GADL1: variants seen among roughly 807,000 people sequenced by gnomAD.
GADL1 encodes the protein GAD like acidic amino acid decarboxylase 1, also known as acidic amino acid decarboxylase GADL1.
Under a neutral mutation model 69.5 loss-of-function variants are expected in GADL1, and 71 were observed. The observed-to-expected ratio is 1.02, with a 90% CI of 0.84 to 1.25. The LOEUF is 1.25. Among genes scored for constraint, GADL1 ranks in the 50% most tolerant of loss-of-function variants. The pLI, the probability that GADL1 is intolerant of heterozygous loss-of-function variation, is 0.00. For synonymous variants in GADL1, 254 were observed against 214.4 expected, an observed-to-expected ratio of 1.18 and a Z score of -1.62; for missense variants, 737 against 631.8, an observed-to-expected ratio of 1.17 and a Z score of -1.79.
intron 13 of GADL1, among the ~76,000 whole-genome samples, chr3:30,780,331 A>C (rs1333820760): frequency 6.6e-6 from 1 of 152,110 alleles, no homozygotes; most frequent in African/African-American, 2.4e-5. Flanking sequence ...CCCATGAGCC[A>C]AGGTCATACT....
chr3:30,893,340 T>A (rs1341360555), intron 1 of GADL1, among the ~76,000 whole-genome samples: 1 of 152,204 alleles, frequency 6.6e-6, no homozygotes, highest in African/African-American at 2.4e-5. Context: ...ATACATTGTT[T>A]AATGACCAAA....
At chr3:30,746,770 T>C (rs899962982) in intron 14 of GADL1, among the ~76,000 whole-genome samples, 1 of 152,178 alleles carries the variant, frequency 6.6e-6, no homozygotes, top group Non-Finnish European at 1.5e-5. Context: ...ATTAAGATAA[T>C]TGACAATAAA....
At chr3:30,749,656 G>A (rs542811268) in intron 14 of GADL1, among the ~76,000 whole-genome samples, 1 of 152,252 alleles carries the variant, frequency 6.6e-6, no homozygotes, top group South Asian at 2.1e-4. Flanking sequence ...TGAAATAATA[G>A]AGAAGGAAGG....
chr3:30,893,791 G>C (rs1431041208), intron 1 of GADL1, among the ~76,000 whole-genome samples: 1 of 152,144 alleles, frequency 6.6e-6, no homozygotes, highest in Non-Finnish European at 1.5e-5. Flanking sequence ...GACCCCAGCT[G>C]AGTTACCTGA....
intron 14 of GADL1, among the ~76,000 whole-genome samples, chr3:30,759,203 A>AG (rs1420498619): frequency 6.6e-6 from 1 of 152,188 alleles, no homozygotes; most frequent in Non-Finnish European, 1.5e-5. Context: ...GCCCAGTTCT[A>AG]GGGTAGGACT....
chr3:30,777,058 T>C (rs549906088), intron 14 of GADL1, among the ~76,000 whole-genome samples: 1 of 152,314 alleles, frequency 6.6e-6, no homozygotes, highest in African/African-American at 2.4e-5. Flanking sequence ...GGTTACCTTG[T>C]GATTGTCTCT....
At chr3:30,830,254 C>T (rs79804663) in intron 11 of GADL1, among the ~76,000 whole-genome samples, 10 of 151,746 alleles carry the variant, frequency 6.6e-5, no homozygotes, top group Admixed American at 5.3e-4. Context: ...CCTGCAAAGT[C>T]CCCCCCTGCC....
chr3:30,764,573 A>C (rs1279504512), intron 14 of GADL1, among the ~76,000 whole-genome samples: 1 of 152,180 alleles, frequency 6.6e-6, no homozygotes, highest in Non-Finnish European at 1.5e-5. Flanking sequence ...TATTAGAGGA[A>C]ATCACTCGAG....
At chr3:30,780,735 T>C (rs1211709395) in intron 13 of GADL1, among the ~76,000 whole-genome samples, 1 of 152,220 alleles carries the variant, frequency 6.6e-6, no homozygotes, top group East Asian at 1.9e-4. Context: ...GGTCTATCAC[T>C]AAGCACTTTT....
Position 30,742,454 on chromosome 3 carries a change from T to G in GADL1, c.1393-14039A>C, listed in dbSNP as rs370854678. Among the ~76,000 whole-genome samples, 68 of 152,258 alleles carry G rather than the reference T, an allele frequency of 4.5e-4. 2 individuals are homozygous for G. The East Asian group carries it at 7.3e-3, about 16-fold the overall frequency. On this transcript the variant is annotated intron_variant, in intron 14 of 14. Coordinates refer to ENST00000282538, the MANE Select transcript of GADL1 (RefSeq NM_207359.3). ...ATTTTCTAGCTCCCAGTTTCTTACCTTTTGTGTAGTTATTCAACTTTGTAC... is the reference window on the plus strand; with the variant it reads ...ATTTTCTAGCTCCCAGTTTCTTACCGTTTGTGTAGTTATTCAACTTTGTAC...
At chr3:30,785,763 C>G (rs9310946) in intron 13 of GADL1, among the ~76,000 whole-genome samples, 1 of 152,124 alleles carries the variant, frequency 6.6e-6, no homozygotes, top group African/African-American at 2.4e-5. Flanking sequence ...AATACATATA[C>G]TATAACAAAA....
At chr3:30,782,044 A>T (rs1018109354) in intron 13 of GADL1, among the ~76,000 whole-genome samples, 2 of 152,246 alleles carry the variant, frequency 1.3e-5, no homozygotes, top group Admixed American at 6.5e-5. Flanking sequence ...CATCAGGACA[A>T]GAAAATGACA....
At chr3:30,844,175 A>G (rs755340921) in intron 8 of GADL1, 35 bp downstream of exon 8, 3 of 1,572,690 alleles carry the variant, frequency 1.9e-6, no homozygotes, top group East Asian at 2.2e-5. Context: ...GCACACACAC[A>G]CGTTCTCTCT....
At chr3:30,850,729 A>G in intron 5 of GADL1, 106 bp downstream of exon 5, 1 of 655,718 alleles carries the variant, frequency 1.5e-6, no homozygotes, top group Non-Finnish European at 2.7e-6. Flanking sequence ...AGAATTATTA[A>G]TATCCAACTT....
At chr3:30,808,762 C>T (rs1324584475) in intron 11 of GADL1, among the ~76,000 whole-genome samples, 1 of 152,200 alleles carries the variant, frequency 6.6e-6, no homozygotes, top group Non-Finnish European at 1.5e-5. Flanking sequence ...AGTCCACCCA[C>T]TACTTTTATC....
intron 13 of GADL1, among the ~76,000 whole-genome samples, chr3:30,782,209 A>T (rs1293215332): frequency 3.3e-5 from 5 of 152,142 alleles, no homozygotes; most frequent in African/African-American, 1.2e-4. Context: ...GGAGAGTTTC[A>T]CTATAGGAAA....
chr3:30,854,843 T>C, intron 3 of GADL1, 54 bp from the exon 4 acceptor site: 1 of 827,278 alleles, frequency 1.2e-6, no homozygotes, highest in African/African-American at 1.7e-5. Context: ...AAAAAACTAC[T>C]GATACAGCAT....
chr3:30,802,047 C>T (rs976973257), intron 11 of GADL1, among the ~76,000 whole-genome samples: 12 of 152,158 alleles, frequency 7.9e-5, no homozygotes, highest in Admixed American at 5.2e-4. Flanking sequence ...TTATAAGCTG[C>T]GAAGTTTACT....
At chr3:30,844,314 T>C (rs1494738) in intron 7 of GADL1, 50 bp from the exon 8 acceptor site, 599,341 of 1,565,432 alleles carry the variant, frequency 0.38, 121,863 homozygotes, top group East Asian at 0.62. Flanking sequence ...AATTAACAGA[T>C]AATGATACTG....
Sources: allele counts gnomAD v4.1 joint callset (sites outside exome capture counted in the v4.1 genomes callset), GRCh38; gene constraint gnomAD v4.1.1; transcripts MANE v1.5; gene names NCBI Gene and HGNC (gene_info 2026-07-23, HGNC 2026-07-21).